TSPAN8: variants seen among roughly 807,000 people sequenced by gnomAD.
TSPAN8 encodes tetraspanin 8, also known as tetraspanin-8.
Under a neutral mutation model 32.8 loss-of-function variants are expected in TSPAN8, and 21 were observed. That is an observed-to-expected ratio of 0.64 (90% CI 0.45 to 0.92). The LOEUF is 0.92. Among genes scored for constraint, TSPAN8 ranks in the 40% least tolerant of loss-of-function variants. The pLI is 0.00. For missense variants in TSPAN8, 269 were observed against 281.9 expected (o/e 0.95, Z 0.33); for synonymous variants, 95 against 94.6 (o/e 1.00, Z -0.03).
chr12:71,130,263 A>G (rs1871480008), intron 7 of TSPAN8, among the ~76,000 whole-genome samples: 2 of 152,200 alleles, frequency 1.3e-5, no homozygotes, highest in South Asian at 2.1e-4. Context: ...AAAAAACAAC[A>G]TATTTTCAAA....
intron 2 of TSPAN8, among the ~76,000 whole-genome samples, chr12:71,152,686 C>A (rs949176462): frequency 1.3e-5 from 2 of 152,260 alleles, no homozygotes; most frequent in Admixed American, 6.5e-5. Context: ...TAGCTCCATG[C>A]TAATTACATA....
At chr12:71,149,963 C>T (rs565213881) in intron 2 of TSPAN8, among the ~76,000 whole-genome samples, 33 of 152,264 alleles carry the variant, frequency 2.2e-4, no homozygotes, top group African/African-American at 7.5e-4. Flanking sequence ...GAAGATATTG[C>T]TAAATTCTTT....
At chr12:71,134,170 A>G (rs1435013565) in intron 6 of TSPAN8, among the ~76,000 whole-genome samples, 1 of 152,238 alleles carries the variant, frequency 6.6e-6, no homozygotes, top group Non-Finnish European at 1.5e-5. Flanking sequence ...AAAGATAAAC[A>G]TAAGAAAATC....
At chr12:71,155,693 T>C (rs533269913) in intron 2 of TSPAN8, among the ~76,000 whole-genome samples, 7 of 152,262 alleles carry the variant, frequency 4.6e-5, no homozygotes, top group African/African-American at 1.7e-4. Flanking sequence ...ATTTAAAAAA[T>C]TCTTATTAAA....
At chr12:71,125,734 G>T (rs887722057) in intron 8 of TSPAN8, among the ~76,000 whole-genome samples, 9 of 152,110 alleles carry the variant, frequency 5.9e-5, no homozygotes, top group African/African-American at 1.4e-4. Flanking sequence ...GAGCACTGGG[G>T]ATCTCAGGTC....
At position 71,132,564 on chromosome 12, in the gene TSPAN8, G is replaced by C. The variant is rs540903164; in HGVS notation, c.576+129C>G. The C allele has an allele frequency of 1.7e-5, 19 of 1,138,686 alleles. No homozygotes were observed. The African/African-American group carries it at 2.8e-4, about 17-fold the overall frequency. 70.5% of individuals were successfully genotyped at this position (1,138,686 alleles called of 1,614,324 possible). On this transcript the variant is annotated intron_variant, in intron 7 of 8. Transcript: ENST00000247829. ...TTTAAATAAGGATTTTTTTAATTTGGGAAATTTCTGAGATTTTTATATCAT... is the reference window on the plus strand; with the variant it reads ...TTTAAATAAGGATTTTTTTAATTTGCGAAATTTCTGAGATTTTTATATCAT...
chr12:71,127,227 T>C (rs761459421), intron 8 of TSPAN8, among the ~76,000 whole-genome samples: 1 of 152,058 alleles, frequency 6.6e-6, no homozygotes, highest in Non-Finnish European at 1.5e-5. Flanking sequence ...GAGATAGGCC[T>C]AAGTCATAGG....
At chr12:71,134,864 C>T (rs1225686781) in intron 6 of TSPAN8, among the ~76,000 whole-genome samples, 2 of 152,200 alleles carry the variant, frequency 1.3e-5, no homozygotes, top group Non-Finnish European at 2.9e-5. Flanking sequence ...CAAGTCACTA[C>T]ATCAGAGATA....
intron 2 of TSPAN8, among the ~76,000 whole-genome samples, chr12:71,156,073 T>C (rs1376912200): frequency 1.3e-5 from 2 of 152,014 alleles, no homozygotes; most frequent in East Asian, 3.9e-4. Flanking sequence ...CAGAGATATA[T>C]ACTAAAATGC....
chr12:71,153,083 GC>G (rs746180466), intron 2 of TSPAN8, among the ~76,000 whole-genome samples: 2 of 151,972 alleles, frequency 1.3e-5, no homozygotes, highest in Non-Finnish European at 2.9e-5. Context: ...TTAAGAACTG[GC>G]CTCTCTATAG....
chr12:71,157,291 T>C, intron 2 of TSPAN8: 1 of 236,186 alleles, frequency 4.2e-6, no homozygotes, highest in Non-Finnish European at 8.3e-6. Flanking sequence ...AGTCCTTAAA[T>C]TAGGGAGGCC....
intron 3 of TSPAN8, among the ~76,000 whole-genome samples, chr12:71,140,891 C>T: frequency 6.6e-6 from 1 of 152,168 alleles, no homozygotes; most frequent in East Asian, 1.9e-4. Flanking sequence ...GAAACCTCTG[C>T]CTCCCAGAAT....
chr12:71,154,597 A>G (rs1031714632), intron 2 of TSPAN8, among the ~76,000 whole-genome samples: 2 of 152,162 alleles, frequency 1.3e-5, no homozygotes, highest in African/African-American at 4.8e-5. Context: ...GTTTTAATAC[A>G]ACAAAGATAT....
chr12:71,139,214 C>T (rs991989744), intron 4 of TSPAN8: 1 of 457,356 alleles, frequency 2.2e-6, no homozygotes, highest in Admixed American at 2.3e-5. Flanking sequence ...ATACCCAAGG[C>T]TTCTCAGTTC....
intron 2 of TSPAN8, among the ~76,000 whole-genome samples, chr12:71,146,242 T>G (rs1872073709): frequency 6.6e-6 from 1 of 152,142 alleles, no homozygotes; most frequent in Admixed American, 6.5e-5. Flanking sequence ...CACCCCTAAC[T>G]CTTATCTTTT....
chr12:71,141,153 T>C (rs1237376038), intron 3 of TSPAN8, among the ~76,000 whole-genome samples: 1 of 152,298 alleles, frequency 6.6e-6, no homozygotes, highest in South Asian at 2.1e-4. Context: ...GGCTCCAGTT[T>C]CCCCATTTAT....
chr12:71,132,615 T>A, intron 7 of TSPAN8, 78 bp downstream of exon 7: 1 of 1,524,424 alleles, frequency 6.6e-7, no homozygotes, highest in Admixed American at 2.1e-5. Context: ...CCATGCATTT[T>A]AATTTTTTGT....
At chr12:71,152,204 A>G (rs552482343) in intron 2 of TSPAN8, among the ~76,000 whole-genome samples, 6 of 152,348 alleles carry the variant, frequency 3.9e-5, no homozygotes, top group Non-Finnish European at 7.3e-5. Flanking sequence ...GCCAAGGGAC[A>G]TGTTCCAGAA....
chr12:71,137,965 C>A lies in TSPAN8; in HGVS notation c.432G>T (p.Val144=), dbSNP rs368598711. ...GAATTCTAATTACCTCTTCTTGAAA[C>A]ACAATTATGGCTTCCTGGAATTGTT... is the stretch of plus-strand genomic sequence containing the variant. ...SEKQFQEAII[V]FQEEFKCCGL... Residue 144 remains valine (V), a synonymous_variant, in exon 6 of 9, where the codon GTG becomes GTT. Coordinates refer to ENST00000247829, the MANE Select transcript of TSPAN8 (RefSeq NM_004616.3). 13 of 1,612,198 alleles carry A rather than the reference C, an allele frequency of 8.1e-6. No homozygotes were observed. The highest frequency in any genetic ancestry group is 1.0e-5 in the Non-Finnish European group (12 of 1,179,446).
Sources: allele counts gnomAD v4.1 joint callset (sites outside exome capture counted in the v4.1 genomes callset), GRCh38; gene constraint gnomAD v4.1.1; transcripts MANE v1.5; gene names NCBI Gene and HGNC (gene_info 2026-07-23, HGNC 2026-07-21).